CPEB1: variants seen among roughly 807,000 people sequenced by gnomAD.
The protein encoded by CPEB1 is cytoplasmic polyadenylation element-binding protein 1.
Under a neutral mutation model 65.8 loss-of-function variants are expected in CPEB1, and 7 were observed. The ratio of observed to expected loss-of-function variants is 0.11; its 90% CI spans 0.06 to 0.20. The LOEUF (loss-of-function observed/expected upper bound fraction) is 0.20. Ranked by LOEUF, CPEB1 falls within the 10% of genes least tolerant of loss-of-function variation. The pLI, the probability that CPEB1 is intolerant of heterozygous loss-of-function variation, is 1.00. For missense variants in CPEB1, 551 were observed against 712.2 expected (o/e 0.77, Z 2.58); for synonymous variants, 262 against 260.0 (o/e 1.01, Z -0.08).
intron 1 of CPEB1, among the ~76,000 whole-genome samples, chr15:82,630,740 G>C (rs770727374): frequency 6.6e-6 from 1 of 152,092 alleles, no homozygotes; most frequent in African/African-American, 2.4e-5. Flanking sequence ...TGGAAATGGG[G>C]GTAAAGAGGA....
chr15:82,559,362 CA>C (rs1201579155), intron 4 of CPEB1, among the ~76,000 whole-genome samples: 1 of 152,180 alleles, frequency 6.6e-6, no homozygotes, highest in Non-Finnish European at 1.5e-5. Flanking sequence ...TAACATTTAA[CA>C]CAGGGGAAAC....
chr15:82,592,450 T>C (rs1167251001), intron 3 of CPEB1, among the ~76,000 whole-genome samples: 1 of 151,540 alleles, frequency 6.6e-6, no homozygotes, highest in Non-Finnish European at 1.5e-5. Flanking sequence ...TGGTACGGCA[T>C]GCCTGTAATC....
intron 3 of CPEB1, among the ~76,000 whole-genome samples, chr15:82,620,408 G>C (rs1273680678): frequency 6.9e-6 from 1 of 144,088 alleles, no homozygotes; most frequent in Non-Finnish European, 1.5e-5. Flanking sequence ...CTGGGCGACA[G>C]AGCAAGACTC....
At chr15:82,549,428 C>A in intron 10 of CPEB1, 32 bp downstream of exon 10, 1 of 1,613,600 alleles carries the variant, frequency 6.2e-7, no homozygotes, top group Non-Finnish European at 8.5e-7. Context: ...AGGGGCCAAC[C>A]AAGCTTTCGC....
chr15:82,577,278 C>T (rs2040754886), intron 3 of CPEB1, among the ~76,000 whole-genome samples: 1 of 152,112 alleles, frequency 6.6e-6, no homozygotes, highest in South Asian at 2.1e-4. Context: ...AGGCTGGTCT[C>T]GAACTCCTGG....
intron 1 of CPEB1, among the ~76,000 whole-genome samples, chr15:82,632,597 C>A (rs1427909389): frequency 6.6e-6 from 1 of 152,132 alleles, no homozygotes; most frequent in Non-Finnish European, 1.5e-5. Context: ...CTCACTGCAG[C>A]CTTGATCTCC....
intron 4 of CPEB1, among the ~76,000 whole-genome samples, chr15:82,561,458 G>GA (rs2150996763): frequency 6.6e-6 from 1 of 152,348 alleles, no homozygotes; most frequent in East Asian, 1.9e-4. Flanking sequence ...TGTCAAGGGA[G>GA]AAACAGCATA....
At chr15:82,618,764 TAAAGAATCTGCA>T (rs1398822460) in intron 3 of CPEB1, among the ~76,000 whole-genome samples, 4 of 152,120 alleles carry the variant, frequency 2.6e-5, no homozygotes, top group Non-Finnish European at 4.4e-5. Flanking sequence ...GAGATAAACT[TAAAGAATCTGCA>T]AGACATCTAC....
At chr15:82,583,408 T>C (rs1376527929) in intron 3 of CPEB1, 2 of 152,204 alleles carry the variant, frequency 1.3e-5, no homozygotes, top group African/African-American at 4.8e-5. Context: ...CTGCAGAAGT[T>C]CCTTAAACAG....
At chr15:82,585,901 T>C (rs2041756365) in intron 3 of CPEB1, among the ~76,000 whole-genome samples, 1 of 151,514 alleles carries the variant, frequency 6.6e-6, no homozygotes, top group Non-Finnish European at 1.5e-5. Context: ...GGTTAAAAAA[T>C]ACACTACTTA....
At chr15:82,602,115 A>G (rs951647556) in intron 3 of CPEB1, among the ~76,000 whole-genome samples, 1 of 152,244 alleles carries the variant, frequency 6.6e-6, no homozygotes, top group Admixed American at 6.5e-5. Flanking sequence ...TAGACTATAA[A>G]GCAAGCCTCA....
At position 82,565,460 on chromosome 15, in the gene CPEB1, G is replaced by C. The variant is rs8036767; in HGVS notation, c.460+5884C>G. Reference sequence around the variant, plus strand: ...GAATCAGAAGGAAAGGAGCAAAATAGCTAGCGTTAGACTGTTCCCATTTAT... The same window carrying C: ...GAATCAGAAGGAAAGGAGCAAAATACCTAGCGTTAGACTGTTCCCATTTAT... On this transcript the variant is annotated intron_variant, in intron 4 of 12. Transcript: ENST00000684509. Among the ~76,000 whole-genome samples the C allele has an allele frequency of 7.6e-3, 1,163 of 152,304 alleles. 16 individuals are homozygous for C. The highest frequency in any genetic ancestry group is 0.026 in the African/African-American group (1,062 of 41,562).
chr15:82,548,679 T>A, intron 10 of CPEB1: 1 of 455,718 alleles, frequency 2.2e-6, no homozygotes, highest in Non-Finnish European at 4.4e-6. Flanking sequence ...TGGAGACCTA[T>A]TAAGAGAGCT....
At chr15:82,579,322 A>G (rs1387094842) in intron 3 of CPEB1, among the ~76,000 whole-genome samples, 1 of 152,088 alleles carries the variant, frequency 6.6e-6, no homozygotes, top group Non-Finnish European at 1.5e-5. Flanking sequence ...ATAGCTGGAC[A>G]TGGTGGTGTT....
intron 9 of CPEB1, 123 bp downstream of exon 9, chr15:82,552,357 G>C (rs1017790065): frequency 3.6e-6 from 3 of 823,134 alleles, no homozygotes; most frequent in African/African-American, 3.7e-5. Context: ...GGGACAAGAA[G>C]AGCCTTCTTG....
chr15:82,634,764 C>CTTTT (rs1555461720), intron 1 of CPEB1, among the ~76,000 whole-genome samples: 1 of 151,688 alleles, frequency 6.6e-6, no homozygotes, highest in Non-Finnish European at 1.5e-5. Context: ...AACATTTAGA[C>CTTTT]TTTTTTAATT....
chr15:82,575,539 T>C (rs2040554635), intron 3 of CPEB1, among the ~76,000 whole-genome samples: 1 of 152,238 alleles, frequency 6.6e-6, no homozygotes, highest in East Asian at 1.9e-4. Context: ...CAAGCCACAA[T>C]ATGTGAGAAA....
chr15:82,639,385 C>T (rs60451143), intron 1 of CPEB1, among the ~76,000 whole-genome samples: 19,280 of 152,132 alleles, frequency 0.13, 1,766 homozygotes, highest in African/African-American at 0.24. Context: ...CCACACTATC[C>T]CCCAAAGAGT....
chr15:82,598,556 G>A (rs190080623), intron 3 of CPEB1, among the ~76,000 whole-genome samples: 13 of 152,182 alleles, frequency 8.5e-5, no homozygotes, highest in Admixed American at 8.5e-4. Context: ...AGGCGGAGGT[G>A]GGTGGATCGC....
Sources: allele counts gnomAD v4.1 joint callset (sites outside exome capture counted in the v4.1 genomes callset), GRCh38; gene constraint gnomAD v4.1.1; transcripts MANE v1.5; gene names NCBI Gene and HGNC (gene_info 2026-07-23, HGNC 2026-07-21).